The following SPATA17 variants were observed in gnomAD, a reference collection of about 807,000 sequenced individuals.
SPATA17 encodes the protein spermatogenesis-associated protein 17.
SPATA17 carries 53 observed loss-of-function variants against 62.2 expected under a neutral mutation model. The observed-to-expected ratio is 0.85, with a 90% CI of 0.68 to 1.07. The LOEUF is 1.07. Among genes scored for constraint, SPATA17 ranks in the 50% least tolerant of loss-of-function variants. The pLI, the probability that SPATA17 is intolerant of heterozygous loss-of-function variation, is 0.00. For synonymous variants in SPATA17, 146 were observed against 146.8 expected (o/e 0.99, Z 0.04); for missense variants, 466 against 425.5 (o/e 1.10, Z -0.84).
At chr1:217,723,925 A>C (rs1352268978) in intron 5 of SPATA17, among the ~76,000 whole-genome samples, 2 of 152,236 alleles carry the variant, frequency 1.3e-5, no homozygotes, top group Non-Finnish European at 2.9e-5. Flanking sequence ...CAAGCTCAGC[A>C]TGTCTGCTGC....
intron 5 of SPATA17, among the ~76,000 whole-genome samples, chr1:217,741,175 A>G (rs1157779350): frequency 1.3e-5 from 2 of 152,184 alleles, no homozygotes; most frequent in Non-Finnish European, 2.9e-5. Context: ...CAATTTCAAA[A>G]CATTATTTTA....
chr1:217,855,648 T>G (rs1675764329), intron 9 of SPATA17, among the ~76,000 whole-genome samples: 1 of 152,088 alleles, frequency 6.6e-6, no homozygotes, highest in African/African-American at 2.4e-5. Flanking sequence ...TTTGCATGTC[T>G]GTCATGTGGG....
chr1:217,740,279 A>G (rs989853459), intron 5 of SPATA17, among the ~76,000 whole-genome samples: 1 of 151,954 alleles, frequency 6.6e-6, no homozygotes, highest in African/African-American at 2.4e-5. Context: ...TATTTAGCAT[A>G]ATATGAAATT....
intron 5 of SPATA17, among the ~76,000 whole-genome samples, chr1:217,714,105 C>T (rs61825760): frequency 0.031 from 4,643 of 152,162 alleles, 101 homozygotes; most frequent in Middle Eastern, 0.075. Flanking sequence ...TGAGAACCAT[C>T]GGCTGGGCAC....
intron 9 of SPATA17, among the ~76,000 whole-genome samples, chr1:217,852,308 A>G (rs1034869169): frequency 2.2e-4 from 34 of 152,202 alleles, no homozygotes; most frequent in African/African-American, 7.5e-4. Context: ...GAAATAGGTA[A>G]TCATTATTAA....
chr1:217,814,813 AC>A (rs1236376755), intron 9 of SPATA17, among the ~76,000 whole-genome samples: 3 of 152,044 alleles, frequency 2.0e-5, no homozygotes, highest in Non-Finnish European at 4.4e-5. Context: ...GCACCATTGC[AC>A]TCCAGCCTGG....
chr1:217,748,524 C>T (rs898665528), intron 6 of SPATA17, among the ~76,000 whole-genome samples: 1 of 151,954 alleles, frequency 6.6e-6, no homozygotes, highest in African/African-American at 2.4e-5. Context: ...GGGCAGATCA[C>T]TTGAGGTCAG....
In SPATA17 at chr1:217,700,762, C is replaced by CTTT. The variant is rs71556698; in HGVS notation, c.395+17414_395+17416dup. Among the ~76,000 whole-genome samples, 195 of 134,788 alleles carry CTTT rather than the reference C, an allele frequency of 1.4e-3. 3 individuals carry two copies. The highest frequency in any genetic ancestry group is 2.7e-3 in the African/African-American group (99 of 36,200). 88.4% of individuals were successfully genotyped at this position (134,788 alleles called of 152,430 possible). A position where few individuals can be genotyped will look rare whatever the true frequency, so the allele number is the denominator to read the frequency against. ...CCGCCATGGCTAATTTTTTCTTTTT[C>CTTT]TTTTTTTTTTTTTTTGTATTTTTAG... On this transcript the variant is annotated intron_variant, in intron 5 of 10. Coordinates refer to ENST00000366933, the MANE Select transcript of SPATA17 (RefSeq NM_138796.4).
chr1:217,735,707 C>T (rs1278117721), intron 5 of SPATA17, among the ~76,000 whole-genome samples: 1 of 152,076 alleles, frequency 6.6e-6, no homozygotes, highest in Non-Finnish European at 1.5e-5. Context: ...AGCCTTCTTA[C>T]AGGAAACGAT....
At chr1:217,668,968 T>TA in intron 3 of SPATA17, 65 bp from the exon 4 acceptor site, 1 of 1,347,860 alleles carries the variant, frequency 7.4e-7, no homozygotes, top group Non-Finnish European at 1.1e-6. Context: ...CTTTTATATG[T>TA]AAAAATAGGC....
intron 8 of SPATA17, among the ~76,000 whole-genome samples, chr1:217,798,247 T>A (rs528470683): frequency 2.6e-5 from 4 of 152,348 alleles, no homozygotes; most frequent in Admixed American, 2.6e-4. Context: ...AAACTACTAC[T>A]TGAACGTATG....
At chr1:217,779,084 G>GAT (rs555606921) in intron 7 of SPATA17, among the ~76,000 whole-genome samples, 3,052 of 149,312 alleles carry the variant, frequency 0.02, 110 homozygotes, top group African/African-American at 0.069. Context: ...CCATATGGAA[G>GAT]ATATATATAT....
chr1:217,803,972 C>T (rs1674373556), intron 9 of SPATA17, among the ~76,000 whole-genome samples: 1 of 151,450 alleles, frequency 6.6e-6, no homozygotes, highest in Admixed American at 6.6e-5. Flanking sequence ...GAGCTGAGAT[C>T]GTGCCACTGC....
Position 217,862,815 on chromosome 1 carries a change from G to A in SPATA17, c.1047G>A (p.Lys349=), listed in dbSNP as rs374993565. The A allele has an allele frequency of 1.7e-5, 27 of 1,610,458 alleles. No homozygotes were observed. Among genetic ancestry groups the A allele is most frequent in the Non-Finnish European group, 2.3e-5 (27 of 1,178,072 alleles). The part of the protein sequence containing the change: ...TVLPSFELFS[K]YGKLYSKAGQ... ...TACCATCATTTGAGCTCTTCTCAAAGTATGGAAAATTATATTCAAAAGCTG... is the reference window on the plus strand; with the variant it reads ...TACCATCATTTGAGCTCTTCTCAAAATATGGAAAATTATATTCAAAAGCTG... Residue 349 remains lysine (K), a synonymous_variant, in exon 10 of 11, where the codon AAG becomes AAA. Transcript: ENST00000366933.
At chr1:217,727,251 AATAAT>A (rs1558581736) in intron 5 of SPATA17, among the ~76,000 whole-genome samples, 2,532 of 135,116 alleles carry the variant, frequency 0.019, 82 homozygotes, top group African/African-American at 0.058. Flanking sequence ...CCGTCTCAAT[AATAAT>A]AATAATAATA....
chr1:217,662,452 T>C (rs1198045981), intron 3 of SPATA17, among the ~76,000 whole-genome samples: 2 of 152,108 alleles, frequency 1.3e-5, no homozygotes, highest in Non-Finnish European at 2.9e-5. Context: ...TTTACAAAGA[T>C]TGATTATGAT....
intron 9 of SPATA17, among the ~76,000 whole-genome samples, chr1:217,818,455 C>T (rs1234515951): frequency 3.3e-5 from 5 of 151,998 alleles, no homozygotes; most frequent in African/African-American, 1.2e-4. Flanking sequence ...TATGGTATAG[C>T]CTACTGCTCC....
At chr1:217,671,768 T>G (rs1670836876) in intron 4 of SPATA17, among the ~76,000 whole-genome samples, 1 of 152,156 alleles carries the variant, frequency 6.6e-6, no homozygotes, top group Non-Finnish European at 1.5e-5. Flanking sequence ...GTTGGAACGA[T>G]CCACTAATGA....
intron 8 of SPATA17, among the ~76,000 whole-genome samples, chr1:217,783,722 G>C (rs140992948): frequency 6.6e-6 from 1 of 152,152 alleles, no homozygotes; most frequent in East Asian, 1.9e-4. Context: ...TTGATTATCT[G>C]ATTGATATTT....
Sources: allele counts gnomAD v4.1 joint callset (sites outside exome capture counted in the v4.1 genomes callset), GRCh38; gene constraint gnomAD v4.1.1; transcripts MANE v1.5; gene names NCBI Gene and HGNC (gene_info 2026-07-23, HGNC 2026-07-21).